Variants in STEAP1B observed in about 807,000 individuals in gnomAD.
STEAP1B encodes the protein STEAP family member 1B, also known as STEAP family protein MGC87042.
In STEAP1B, 13 loss-of-function variants were observed where a neutral mutation model predicts 27.9. That is an observed-to-expected ratio of 0.47 (90% CI 0.30 to 0.74). STEAP1B has a LOEUF of 0.74. Ranked by LOEUF, STEAP1B falls within the 30% of genes least tolerant of loss-of-function variation. STEAP1B has a pLI of 0.06. For missense variants in STEAP1B, 250 were observed against 298.7 expected (o/e 0.84, Z 1.20); for synonymous variants, 86 against 107.1 (o/e 0.80, Z 1.22).
intron 4 of STEAP1B, among the ~76,000 whole-genome samples, chr7:22,458,290 T>C (rs1785621087): frequency 6.6e-6 from 1 of 152,138 alleles, no homozygotes; most frequent in Admixed American, 6.5e-5. Flanking sequence ...TGTACTAAAG[T>C]GCAATGGCAG....
chr7:22,456,983 T>A (rs1246755422), intron 4 of STEAP1B, among the ~76,000 whole-genome samples: 1 of 133,940 alleles, frequency 7.5e-6, no homozygotes, highest in African/African-American at 2.8e-5. Context: ...TTTTTTTTTT[T>A]TTTAAGTATC....
intron 4 of STEAP1B, among the ~76,000 whole-genome samples, chr7:22,473,719 T>C (rs995550226): frequency 6.6e-6 from 1 of 152,120 alleles, no homozygotes; most frequent in South Asian, 2.1e-4. Flanking sequence ...CATAGATGAT[T>C]GTGAAGTTAG....
chr7:22,482,139 T>C (rs140858742), intron 4 of STEAP1B, among the ~76,000 whole-genome samples: 1 of 152,198 alleles, frequency 6.6e-6, no homozygotes, highest in East Asian at 1.9e-4. Context: ...CCAAGTAGCT[T>C]TGAACAAAGG....
chr7:22,438,503 T>C lies in STEAP1B; in HGVS notation c.763-18667A>G, dbSNP rs374288474. ...TTCATGCATGCTTAAATCTGAAAGATGATCAGCAATAACTTGTCTTTTTTA... is the reference window on the plus strand; with the variant it reads ...TTCATGCATGCTTAAATCTGAAAGACGATCAGCAATAACTTGTCTTTTTTA... On this transcript the variant is annotated intron_variant, in intron 4 of 4. Transcript: ENST00000678116. 3.3e-5 allele frequency: 51 copies of C among 1,550,310 alleles called. 1 individual carries two copies. The highest frequency in any genetic ancestry group is 1.4e-4 in the South Asian group (12 of 84,040).
intron 4 of STEAP1B, among the ~76,000 whole-genome samples, chr7:22,431,791 G>C (rs1293143415): frequency 6.6e-6 from 1 of 152,188 alleles, no homozygotes; most frequent in African/African-American, 2.4e-5. Context: ...TCTGACAGTG[G>C]CTGTGTTCCT....
intron 4 of STEAP1B, among the ~76,000 whole-genome samples, chr7:22,424,782 T>C (rs887669081): frequency 6.6e-6 from 1 of 151,748 alleles, no homozygotes; most frequent in Non-Finnish European, 1.5e-5. Context: ...TCAACATTCA[T>C]ACCAAAGAAT....
At chr7:22,448,398 T>A (rs957833857) in intron 4 of STEAP1B, among the ~76,000 whole-genome samples, 2 of 151,482 alleles carry the variant, frequency 1.3e-5, no homozygotes, top group African/African-American at 4.9e-5. Flanking sequence ...TTAATAGAAC[T>A]TTTTTCCTTG....
chr7:22,474,264 C>G (rs940240625), intron 4 of STEAP1B, among the ~76,000 whole-genome samples: 5 of 152,188 alleles, frequency 3.3e-5, no homozygotes, highest in African/African-American at 7.2e-5. Flanking sequence ...AGTAAAGACC[C>G]TGACTTCAGT....
At chr7:22,470,736 T>C (rs971828442) in intron 4 of STEAP1B, among the ~76,000 whole-genome samples, 1 of 152,122 alleles carries the variant, frequency 6.6e-6, no homozygotes, top group African/African-American at 2.4e-5. Flanking sequence ...ATTAGTACTA[T>C]TGTAGTGAGG....
intron 4 of STEAP1B, among the ~76,000 whole-genome samples, chr7:22,492,092 C>T (rs1433805976): frequency 6.6e-6 from 1 of 151,710 alleles, no homozygotes; most frequent in African/African-American, 2.4e-5. Flanking sequence ...GAGGCCGAGG[C>T]GGGCAGATCA....
intron 4 of STEAP1B, among the ~76,000 whole-genome samples, chr7:22,479,679 C>CATTT (rs1786034072): frequency 1.1e-5 from 1 of 92,116 alleles, no homozygotes; most frequent in East Asian, 3.9e-4. Context: ...TCATGTGTGG[C>CATTT]TTTTTTTTTT....
chr7:22,457,931 A>G (rs916861322), intron 4 of STEAP1B, among the ~76,000 whole-genome samples: 5 of 152,226 alleles, frequency 3.3e-5, no homozygotes, highest in Non-Finnish European at 5.9e-5. Context: ...TTTGTCCCCA[A>G]AAAACCCCAA....
intron 4 of STEAP1B, among the ~76,000 whole-genome samples, chr7:22,467,274 G>T (rs1469561917): frequency 6.6e-6 from 1 of 152,164 alleles, no homozygotes; most frequent in East Asian, 1.9e-4. Flanking sequence ...AGGGGGAAAA[G>T]ATATCAGTTT....
chr7:22,429,660 C>T (rs1200957737), intron 4 of STEAP1B, among the ~76,000 whole-genome samples: 1 of 152,156 alleles, frequency 6.6e-6, no homozygotes, highest in Non-Finnish European at 1.5e-5. Flanking sequence ...CATCACACTG[C>T]TCAGAACAGT....
intron 4 of STEAP1B, chr7:22,438,314 G>C (rs753795800): frequency 2.7e-6 from 2 of 738,248 alleles, no homozygotes; most frequent in Non-Finnish European, 2.1e-6. Context: ...GCAGTTTTTC[G>C]CACTTGTCCC....
chr7:22,498,081 T>A (rs540785860), intron 1 of STEAP1B, among the ~76,000 whole-genome samples: 2 of 152,312 alleles, frequency 1.3e-5, no homozygotes, highest in South Asian at 4.1e-4. Flanking sequence ...GAGAATCTAA[T>A]GCCACCGTTC....
intron 4 of STEAP1B, among the ~76,000 whole-genome samples, chr7:22,449,069 T>C (rs1469782727): frequency 6.6e-6 from 1 of 152,224 alleles, no homozygotes; most frequent in African/African-American, 2.4e-5. Flanking sequence ...GATATAGGTA[T>C]GCAACATGTG....
chr7:22,445,400 G>C (rs1271458627), intron 4 of STEAP1B, among the ~76,000 whole-genome samples: 1 of 152,232 alleles, frequency 6.6e-6, no homozygotes, highest in Non-Finnish European at 1.5e-5. Flanking sequence ...TGCCCCTTTG[G>C]GCCTCCCATC....
At chr7:22,433,276 T>A (rs1188296335) in intron 4 of STEAP1B, among the ~76,000 whole-genome samples, 1 of 151,262 alleles carries the variant, frequency 6.6e-6, no homozygotes, top group Non-Finnish European at 1.5e-5. Flanking sequence ...CAACTTACTA[T>A]TTCAAGCCCT....
Sources: gnomAD v4.1 joint callset for allele counts (sites outside exome capture counted in the v4.1 genomes callset) on GRCh38, gnomAD v4.1.1 for gene constraint, MANE v1.5 for transcripts, NCBI Gene and HGNC (gene_info 2026-07-23, HGNC 2026-07-21) for gene names.